Variants in TAF11 observed in about 807,000 individuals in gnomAD.
The protein encoded by TAF11 is transcription initiation factor TFIID subunit 11.
In TAF11, 10 loss-of-function variants were observed where a neutral mutation model predicts 23.0. The observed-to-expected ratio is 0.43, with a 90% CI of 0.27 to 0.74. The LOEUF is 0.74. Ranked by LOEUF, TAF11 falls within the 30% of genes least tolerant of loss-of-function variation. The pLI, the probability that TAF11 is intolerant of heterozygous loss-of-function variation, is 0.19. For missense variants in TAF11, 196 were observed against 261.7 expected (o/e 0.75, Z 1.73); for synonymous variants, 85 against 95.8 (o/e 0.89, Z 0.66).
intron 1 of TAF11, among the ~76,000 whole-genome samples, chr6:34,883,840 A>G (rs1348768164): frequency 2.0e-5 from 3 of 152,204 alleles, no homozygotes; most frequent in African/African-American, 7.2e-5. Context: ...CTGATTAGAG[A>G]AATGCAAATC....
intron 1 of TAF11, among the ~76,000 whole-genome samples, chr6:34,887,517 C>T (rs1001188688): frequency 2.0e-5 from 3 of 152,192 alleles, no homozygotes; most frequent in Non-Finnish European, 4.4e-5. Flanking sequence ...ACCACCAAAG[C>T]CAACGGGCTA....
In TAF11 at chr6:34,878,712, C is replaced by T; in HGVS notation, c.514G>A (p.Val172Met). 1 of 1,614,082 alleles carries T rather than the reference C, an allele frequency of 6.2e-7. No homozygotes were observed. Among genetic ancestry groups the T allele is most frequent in the African/African-American group, 1.3e-5 (1 of 75,048 alleles). The change falls in exon 5 of 5, where the codon GTG becomes ATG. Residue 172 changes from valine to methionine, a missense_variant. Physicochemically the swap from Val to Met is conservative, Grantham distance 21. Transcript: ENST00000361288. ...VGEVVEEALD[V>M]CEKWGEMPPL... is the part of the protein sequence containing the mutation. The stretch of plus-strand genomic sequence containing the variant: ...GGCATTTCTCCCCACTTCTCACACA[C>T]ATCCAGTGCTAAACAGAGGGTAAGG...
intron 2 of TAF11, among the ~76,000 whole-genome samples, chr6:34,881,947 C>T (rs1766439208): frequency 3.3e-5 from 5 of 151,842 alleles, no homozygotes. Context: ...ATCCACCCGC[C>T]TCAGCCTCCC....
In TAF11 at chr6:34,878,344, C is replaced by T. The variant is rs1766350085; in HGVS notation, c.*246G>A. 4.4e-6 allele frequency: 2 copies of T among 454,740 alleles called. No individual in the cohort carries two copies. Among genetic ancestry groups the T allele is most frequent in the Admixed American group, 6.7e-5 (2 of 29,820 alleles). 28.2% of individuals were successfully genotyped at this position (454,740 alleles called of 1,614,324 possible). A position where few individuals can be genotyped will look rare whatever the true frequency, so the allele number is the denominator to read the frequency against. On this transcript the variant is annotated 3_prime_UTR_variant, in exon 5 of 5. Coordinates refer to ENST00000361288, the MANE Select transcript of TAF11 (RefSeq NM_005643.4). ...ATGCTTATGGCCCACGTATCTTCTT[C>T]CAACTGGTCAAGACAGTTAAATACT...
chr6:34,884,233 A>G (rs1333932664), intron 1 of TAF11, among the ~76,000 whole-genome samples: 2 of 152,228 alleles, frequency 1.3e-5, no homozygotes, highest in Non-Finnish European at 2.9e-5. Flanking sequence ...AATACTATAC[A>G]GCCATAAAAA....
Position 34,880,435 on chromosome 6 carries a change from GAA to G in TAF11, c.321-61_321-60del. ...TAAGAACGAATACTCAAGATATTAT[GAA>G]GTCAATAAAAGTTTCAGACAATTCA... On this transcript the variant is annotated intron_variant, in intron 2 of 4. Coordinates refer to ENST00000361288, the MANE Select transcript of TAF11 (RefSeq NM_005643.4). The surrounding 1 kb of genome is among the most constrained non-coding windows in gnomAD (Gnocchi z 4.8). 6.6e-7 allele frequency: 1 copy of G among 1,523,362 alleles called. No homozygotes were observed. Among genetic ancestry groups the G allele is most frequent in the Non-Finnish European group, 9.0e-7 (1 of 1,105,930 alleles). The allele number at this position is 1,523,362 out of a possible 1,614,324, so 94.4% of individuals were successfully genotyped here. A position where few individuals can be genotyped will look rare whatever the true frequency, so the allele number is the denominator to read the frequency against.
chr6:34,881,162 G>A (rs1766417111), intron 2 of TAF11, among the ~76,000 whole-genome samples: 1 of 152,138 alleles, frequency 6.6e-6, no homozygotes, highest in African/African-American at 2.4e-5. Context: ...TATGTCCAAA[G>A]ATCCTCATCA....
chr6:34,886,159 G>A (rs1031319748), intron 1 of TAF11, among the ~76,000 whole-genome samples: 3 of 150,916 alleles, frequency 2.0e-5, no homozygotes, highest in African/African-American at 7.3e-5. Flanking sequence ...AAAAACTTTA[G>A]ATGAGCGTGG....
At chr6:34,885,225 A>G (rs772236193) in intron 1 of TAF11, among the ~76,000 whole-genome samples, 3 of 151,824 alleles carry the variant, frequency 2.0e-5, no homozygotes, top group Non-Finnish European at 4.4e-5. Flanking sequence ...GACCCACTCC[A>G]CTAGGCCCTT....
At position 34,880,235 on chromosome 6, in the gene TAF11, C is replaced by G; in HGVS notation, c.408+54G>C. 1 of 1,594,808 alleles carries G rather than the reference C, an allele frequency of 6.3e-7. No individual in the cohort carries two copies. The highest frequency in any genetic ancestry group is 8.6e-7 in the Non-Finnish European group (1 of 1,163,784). On this transcript the variant is annotated intron_variant, in intron 3 of 4. Coordinates refer to ENST00000361288, the MANE Select transcript of TAF11 (RefSeq NM_005643.4). This position sits in a 1 kb window ranked among gnomAD's most constrained non-coding sequence, Gnocchi z 4.8. ...ACTTCAAATGCCAATGGACATGGCT[C>G]TTGAGTTCAGTTCTAAAACGTGATG...
At chr6:34,879,904 A>T in intron 4 of TAF11, 63 bp downstream of exon 4, 1 of 1,567,440 alleles carries the variant, frequency 6.4e-7, no homozygotes, top group Non-Finnish European at 8.7e-7. Flanking sequence ...TCCTTTGTGT[A>T]GATATTCTTA....
In TAF11 at chr6:34,880,182, A is replaced by C; in HGVS notation, c.408+107T>G. ...TGAAGTGCATTTTTTTTCCCACCTA[A>C]ATAATCCCCTGACTTGTCTAACACC... On this transcript the variant is annotated intron_variant, in intron 3 of 4. Coordinates refer to ENST00000361288, the MANE Select transcript of TAF11 (RefSeq NM_005643.4). The surrounding 1 kb of genome is among the most constrained non-coding windows in gnomAD (Gnocchi z 4.8). The C allele has an allele frequency of 6.6e-7, 1 of 1,525,310 alleles. No homozygotes were observed. Among genetic ancestry groups the C allele is most frequent in the Non-Finnish European group, 9.1e-7 (1 of 1,104,096 alleles). The allele number at this position is 1,525,310 out of a possible 1,614,324, so 94.5% of individuals were successfully genotyped here.
At chr6:34,879,017 C>A (rs1451251464) in intron 4 of TAF11, among the ~76,000 whole-genome samples, 1 of 152,104 alleles carries the variant, frequency 6.6e-6, no homozygotes, top group African/African-American at 2.4e-5. Context: ...CCAACCTGGG[C>A]AACATGGCCA....
In TAF11 at chr6:34,878,149, G is replaced by C. The variant is rs1766343259; in HGVS notation, c.*441C>G. 6.3e-6 allele frequency: 1 copy of C among 157,714 alleles called. No individual in the cohort carries two copies. Among genetic ancestry groups the C allele is most frequent in the Non-Finnish European group, 1.4e-5 (1 of 71,340 alleles). The allele number at this position is 157,714 out of a possible 1,614,324, so 9.8% of individuals were successfully genotyped here. ...TGCCTGTAGTCCTAGCTACTCAGGA[G>C]ACTGAGGTGGGAGGGTCACTTAAGC... On this transcript the variant is annotated 3_prime_UTR_variant, in exon 5 of 5. Transcript: ENST00000361288.
chr6:34,879,452 T>C (rs4646940), intron 4 of TAF11: 178,181 of 959,592 alleles, frequency 0.19, 22,995 homozygotes, highest in African/African-American at 0.59. Context: ...CCAGCCTGGG[T>C]GACAGAGTGA....
rs1304818846 is a variant in TAF11, at chr6:34,877,588, G to C, written c.*1002C>G. The C allele has an allele frequency of 7.7e-6, 1 of 130,522 alleles. No homozygotes were observed. The highest frequency in any genetic ancestry group is 1.6e-5 in the Non-Finnish European group (1 of 63,878). The allele number at this position is 130,522 out of a possible 1,614,324, so 8.1% of individuals were successfully genotyped here. A position where few individuals can be genotyped will look rare whatever the true frequency, so the allele number is the denominator to read the frequency against. On this transcript the variant is annotated 3_prime_UTR_variant, in exon 5 of 5. Transcript: ENST00000361288. ...TATTGTTTATTTTCATCTCAGTCTT[G>C]GGGGGGGAATTATTACACTGTTTTT...
chr6:34,887,728 G>A (rs572669626), intron 1 of TAF11, 59 bp downstream of exon 1: 1 of 1,603,610 alleles, frequency 6.2e-7, no homozygotes. Flanking sequence ...AGCCCGGCGA[G>A]CAGCCAGTAA....
chr6:34,883,092 A>G lies in TAF11; in HGVS notation c.172-12T>C, dbSNP rs773040673. ...TCCTGACTCTCGAGCTGGGAAGATG[A>G]AAGAAACTCTATTATATATTTGGCC... is the stretch of plus-strand genomic sequence containing the variant. On this transcript the variant is annotated splice_polypyrimidine_tract_variant and intron_variant, in intron 1 of 4. Transcript: ENST00000361288. 1.2e-6 allele frequency: 2 copies of G among 1,605,414 alleles called. No individual in the cohort carries two copies. The highest frequency in any genetic ancestry group is 1.3e-5 in the African/African-American group (1 of 74,500).
intron 1 of TAF11, 30 bp downstream of exon 1, chr6:34,887,753 ATTCC>A: frequency 6.2e-7 from 1 of 1,609,554 alleles, no homozygotes; most frequent in Non-Finnish European, 8.5e-7. Context: ...ATCTCTGGGT[ATTCC>A]TTCAGCCTCA....
Sources: gnomAD v4.1 joint callset for allele counts (sites outside exome capture counted in the v4.1 genomes callset) on GRCh38, gnomAD v4.1.1 for gene constraint, Gnocchi (gnomAD v3.1) non-coding constraint, MANE v1.5 for transcripts, NCBI Gene and HGNC (gene_info 2026-07-23, HGNC 2026-07-21) for gene names.